PTPRT: variants seen among roughly 807,000 people sequenced by gnomAD.
PTPRT encodes protein tyrosine phosphatase receptor type T.
Under a neutral mutation model 176.8 loss-of-function variants are expected in PTPRT, and 56 were observed. The observed-to-expected ratio is 0.32, with a 90% CI of 0.26 to 0.40. PTPRT has a LOEUF of 0.40. Among genes scored for constraint, PTPRT ranks in the 10% least tolerant of loss-of-function variants. The pLI is 1.00. For synonymous variants in PTPRT, 783 were observed against 739.0 expected, an observed-to-expected ratio of 1.06 and a Z score of -0.96; for missense variants, 1,540 against 1,908.2, an observed-to-expected ratio of 0.81 and a Z score of 3.60.
chr20:42,924,224 C>T (rs1979342906), intron 1 of PTPRT, among the ~76,000 whole-genome samples: 1 of 152,104 alleles, frequency 6.6e-6, no homozygotes, highest in Non-Finnish European at 1.5e-5. Flanking sequence ...TTATAACCTG[C>T]CTTTTAACCC....
At position 42,756,614 on chromosome 20, in the gene PTPRT, G is replaced by C; in HGVS notation, c.707C>G (p.Ala236Gly). 6.3e-7 allele frequency: 1 copy of C among 1,597,430 alleles called. No homozygotes were observed. Among genetic ancestry groups the C allele is most frequent in the Non-Finnish European group, 8.6e-7 (1 of 1,169,438 alleles). Residue 236 changes from alanine to glycine, a missense_variant, in exon 6 of 31, where the codon GCC becomes GGC. Ala to Gly is a moderately conservative substitution (Grantham distance 60). Coordinates refer to ENST00000373187, the MANE Select transcript of PTPRT (RefSeq NM_007050.6). The part of the protein sequence containing the change: ...WLQQWNGRDT[A>G]LMVTRVVNHR... ...GTTGACCACACGGGTGACCATCAGG[G>C]CCGTGTCCCTGCCATTCCATTGCTG...
intron 9 of PTPRT, among the ~76,000 whole-genome samples, chr20:42,389,260 G>A (rs1334167104): frequency 4.6e-5 from 7 of 151,518 alleles, no homozygotes; most frequent in Admixed American, 1.3e-4. Context: ...ATGTATCCTA[G>A]AACTTAAAGT....
intron 16 of PTPRT, among the ~76,000 whole-genome samples, chr20:42,186,547 A>G (rs1228859974): frequency 6.6e-6 from 1 of 151,974 alleles, no homozygotes; most frequent in African/African-American, 2.4e-5. Context: ...CTCACAGAGA[A>G]AGGGGAAGTG....
chr20:42,803,831 G>A (rs2145593274), intron 2 of PTPRT, among the ~76,000 whole-genome samples: 1 of 152,298 alleles, frequency 6.6e-6, no homozygotes, highest in South Asian at 2.1e-4. Flanking sequence ...TGGGATTACA[G>A]GCGTGAACCA....
At chr20:42,164,774 T>C (rs932438101) in intron 16 of PTPRT, among the ~76,000 whole-genome samples, 25 of 152,236 alleles carry the variant, frequency 1.6e-4, no homozygotes, top group African/African-American at 5.8e-4. Flanking sequence ...TTAAAACTAA[T>C]GTGCGATTCT....
chr20:42,400,139 A>G (rs1019103913), intron 9 of PTPRT, among the ~76,000 whole-genome samples: 1 of 152,156 alleles, frequency 6.6e-6, no homozygotes, highest in Admixed American at 6.6e-5. Context: ...CCCGTGCCAG[A>G]TTACATTTTT....
chr20:42,111,234 T>C lies in PTPRT; in HGVS notation c.3100-747A>G, dbSNP rs1448527522. Among the ~76,000 whole-genome samples, 4 of 152,186 alleles carry C rather than the reference T, an allele frequency of 2.6e-5. No individual in the cohort carries two copies. The East Asian group carries it at 7.7e-4, about 29-fold the overall frequency. ...CGCTTAGACAGTTCCTGTTCCCTAC[T>C]ATTTTTCTACTTAGCAATCTCCTGC... On this transcript the variant is annotated intron_variant, in intron 22 of 30. Coordinates refer to ENST00000373187, the MANE Select transcript of PTPRT (RefSeq NM_007050.6).
At chr20:42,949,447 A>G (rs1175416899) in intron 1 of PTPRT, among the ~76,000 whole-genome samples, 2 of 152,200 alleles carry the variant, frequency 1.3e-5, no homozygotes, top group Non-Finnish European at 2.9e-5. Context: ...CAGCTATTCC[A>G]GTTTTCTCAG....
At chr20:43,133,171 T>C (rs1416804199) in intron 1 of PTPRT, among the ~76,000 whole-genome samples, 1 of 152,184 alleles carries the variant, frequency 6.6e-6, no homozygotes, top group Non-Finnish European at 1.5e-5. Context: ...GGTGTATACA[T>C]GTGTAAAATT....
chr20:42,935,813 G>A (rs566132393), intron 1 of PTPRT, among the ~76,000 whole-genome samples: 5 of 152,236 alleles, frequency 3.3e-5, no homozygotes, highest in South Asian at 2.1e-4. Context: ...GCAATGGCGC[G>A]ATCTTGGCTC....
chr20:42,143,917 G>A (rs1167654581), intron 17 of PTPRT, among the ~76,000 whole-genome samples: 2 of 152,180 alleles, frequency 1.3e-5, no homozygotes, highest in East Asian at 3.9e-4. Context: ...CACAAAGTTG[G>A]GGTAGTTACT....
intron 22 of PTPRT, among the ~76,000 whole-genome samples, chr20:42,113,215 C>T (rs1403192412): frequency 6.6e-6 from 1 of 152,170 alleles, no homozygotes; most frequent in Non-Finnish European, 1.5e-5. Flanking sequence ...TATCTTCCCT[C>T]GTGGTTGTTT....
intron 12 of PTPRT, among the ~76,000 whole-genome samples, chr20:42,303,750 T>C (rs2057504312): frequency 6.6e-6 from 1 of 152,142 alleles, no homozygotes; most frequent in Non-Finnish European, 1.5e-5. Flanking sequence ...AAGATGTTAC[T>C]ATCCAGAACT....
intron 1 of PTPRT, among the ~76,000 whole-genome samples, chr20:42,924,561 C>T (rs981311649): frequency 5.3e-5 from 8 of 152,192 alleles, no homozygotes; most frequent in African/African-American, 1.9e-4. Flanking sequence ...GCCATGATGG[C>T]TTAAGCGTAA....
Position 42,128,743 on chromosome 20 carries a change from A to AAGAC in PTPRT, c.2847+7_2847+10dup. ...GCCAGCCCCAGCCCCCAGCCCCATT[A>AAGAC]AGACACTCACGTCAATGTAGTTGGC... is the stretch of plus-strand genomic sequence containing the variant. On this transcript the variant is annotated intron_variant, in intron 19 of 30. Transcript: ENST00000373187. The AAGAC allele has an allele frequency of 6.3e-7, 1 of 1,581,864 alleles. No homozygotes were observed. Among genetic ancestry groups the AAGAC allele is most frequent in the African/African-American group, 1.4e-5 (1 of 73,756 alleles).
At chr20:42,724,254 A>G (rs1343377455) in intron 6 of PTPRT, among the ~76,000 whole-genome samples, 1 of 152,204 alleles carries the variant, frequency 6.6e-6, no homozygotes, top group Non-Finnish European at 1.5e-5. Context: ...ATGAAAATGC[A>G]TCAACACCAG....
intron 7 of PTPRT, among the ~76,000 whole-genome samples, chr20:42,627,725 T>C (rs1456473034): frequency 6.6e-6 from 1 of 152,154 alleles, no homozygotes; most frequent in East Asian, 1.9e-4. Flanking sequence ...TTTTCAGTGT[T>C]GTGGAGTAGT....
intron 1 of PTPRT, among the ~76,000 whole-genome samples, chr20:42,950,732 C>T (rs1981186828): frequency 6.6e-6 from 1 of 152,178 alleles, no homozygotes; most frequent in African/African-American, 2.4e-5. Context: ...TCTCCATGCC[C>T]TTAAATATTA....
intron 5 of PTPRT, among the ~76,000 whole-genome samples, chr20:42,770,811 A>G (rs529212082): frequency 6.6e-6 from 1 of 152,286 alleles, no homozygotes; most frequent in African/African-American, 2.4e-5. Context: ...GTTAGAGGGT[A>G]GTTGGAAAAG....
Sources: gnomAD v4.1 joint callset for allele counts (sites outside exome capture counted in the v4.1 genomes callset) on GRCh38, gnomAD v4.1.1 for gene constraint, MANE v1.5 for transcripts, NCBI Gene and HGNC (gene_info 2026-07-23, HGNC 2026-07-21) for gene names.